The following SOS1 variants were observed in gnomAD, a reference collection of about 807,000 sequenced individuals.
The protein encoded by SOS1 is son of sevenless homolog 1.
Under a neutral mutation model 157.6 loss-of-function variants are expected in SOS1, and 25 were observed. The ratio of observed to expected loss-of-function variants is 0.16; its 90% CI spans 0.12 to 0.22. SOS1 has a LOEUF of 0.22. Among genes scored for constraint, SOS1 ranks in the 10% least tolerant of loss-of-function variants. SOS1 has a pLI of 1.00. For synonymous variants in SOS1, 528 were observed against 534.0 expected (o/e 0.99, Z 0.16); for missense variants, 1,237 against 1,599.1 (o/e 0.77, Z 3.86).
chr2:39,026,050 C>T (rs1669950646), intron 8 of SOS1, among the ~76,000 whole-genome samples: 1 of 152,036 alleles, frequency 6.6e-6, no homozygotes, highest in Non-Finnish European at 1.5e-5. Flanking sequence ...TCAGTCTTAA[C>T]TGTGTTAAGT....
chr2:39,018,374 C>T (rs541674791), intron 10 of SOS1, among the ~76,000 whole-genome samples: 6 of 151,886 alleles, frequency 4.0e-5, no homozygotes, highest in East Asian at 3.9e-4. Context: ...CAAATCCCTA[C>T]GCTAAGGTTT....
At chr2:39,097,417 G>C (rs1333496604) in intron 1 of SOS1, among the ~76,000 whole-genome samples, 1 of 152,154 alleles carries the variant, frequency 6.6e-6, no homozygotes, top group Non-Finnish European at 1.5e-5. Flanking sequence ...GTAAATTCCT[G>C]GATGCCCCAC....
chr2:39,115,407 T>TCTG (rs1491533019), intron 1 of SOS1, among the ~76,000 whole-genome samples: 1 of 65,098 alleles, frequency 1.5e-5, no homozygotes, highest in African/African-American at 8.0e-5. Flanking sequence ...GTTCTCTCTC[T>TCTG]TTTTTTTTTT....
intron 1 of SOS1, among the ~76,000 whole-genome samples, chr2:39,087,471 T>G (rs529726826): frequency 1.3e-5 from 2 of 152,336 alleles, no homozygotes; most frequent in South Asian, 4.1e-4. Context: ...ATATTTACAA[T>G]GGCCTGAATA....
chr2:39,020,601 G>A (rs2123881), intron 10 of SOS1, among the ~76,000 whole-genome samples: 141,059 of 151,682 alleles, frequency 0.93, 65,703 homozygotes, highest in African/African-American at 0.96. Flanking sequence ...GAGCAGACCA[G>A]TAGTTCTTAA....
At chr2:39,102,975 A>G (rs939328461) in intron 1 of SOS1, among the ~76,000 whole-genome samples, 1 of 152,182 alleles carries the variant, frequency 6.6e-6, no homozygotes, top group Non-Finnish European at 1.5e-5. Flanking sequence ...ATAACTTAAA[A>G]AAAAAATTTA....
At position 39,067,726 on chromosome 2, in the gene SOS1, C is replaced by T. The variant is rs375934353; in HGVS notation, c.115G>A (p.Glu39Lys). 1.1e-5 allele frequency: 17 copies of T among 1,612,440 alleles called. No individual in the cohort carries two copies. Among genetic ancestry groups the T allele is most frequent in the African/African-American group, 9.4e-5 (7 of 74,846 alleles). ...TACTGAAGAGCATCATCATTAGACTCGAGAGTAGGATGAACTTGCCCCTGG... is the reference window on the plus strand; with the variant it reads ...TACTGAAGAGCATCATCATTAGACTTGAGAGTAGGATGAACTTGCCCCTGG... ...KVQGQVHPTLESNDDALQYVE... is the reference protein window; with the variant it reads ...KVQGQVHPTLKSNDDALQYVE... Residue 39 changes from glutamate (E) to lysine (K), a missense_variant, in exon 2 of 23, where the codon GAG (glutamate) becomes AAG (lysine). By Grantham distance (56) the Glu-to-Lys change is moderately conservative (BLOSUM62 1). Around this residue, in one of 15 missense-constraint regions of SOS1, gnomAD observed 99 missense variants for 81.6 expected, o/e 1.21. Transcript: ENST00000402219.
At chr2:39,072,094 G>A (rs1387285614) in intron 1 of SOS1, among the ~76,000 whole-genome samples, 1 of 152,022 alleles carries the variant, frequency 6.6e-6, no homozygotes, top group Non-Finnish European at 1.5e-5. Context: ...TTAGGTATTG[G>A]ATATACAGAT....
intron 1 of SOS1, among the ~76,000 whole-genome samples, chr2:39,112,591 C>A (rs1673481192): frequency 6.6e-6 from 1 of 152,134 alleles, no homozygotes; most frequent in Non-Finnish European, 1.5e-5. Context: ...CATGAGCCAC[C>A]GCACCTGGCT....
At chr2:39,049,839 A>G (rs763827027) in intron 6 of SOS1, among the ~76,000 whole-genome samples, 2 of 152,202 alleles carry the variant, frequency 1.3e-5, no homozygotes, top group Non-Finnish European at 2.9e-5. Context: ...ACTTTTTAGA[A>G]AACTTTACTG....
intron 8 of SOS1, among the ~76,000 whole-genome samples, chr2:39,032,066 T>C (rs1330518765): frequency 1.3e-5 from 2 of 152,236 alleles, no homozygotes; most frequent in Non-Finnish European, 2.9e-5. Context: ...GATCTTTTGA[T>C]AGATGTATAT....
In SOS1 at chr2:39,120,660, CGGCATCCCGCACCACCGCCCCGGGGCCA is replaced by C. The variant is rs1673845361; in HGVS notation, c.-266_-239del. ...GAGAACGGACGCGGCCCGGAGGCGGCGGCATCCCGCACCACCGCCCCGGGGCCAGGCCCCCCGCCCCTCCCCGGCCCGC... is the reference window on the plus strand; with the variant it reads ...GAGAACGGACGCGGCCCGGAGGCGGCGGCCCCCCGCCCCTCCCCGGCCCGC... On this transcript the variant is annotated 5_prime_UTR_variant, in exon 1 of 23. An upstream start codon of the reference 5' UTR is lost. Transcript: ENST00000402219. Among the ~76,000 whole-genome samples the C allele has an allele frequency of 6.8e-6, 1 of 147,002 alleles. No homozygotes were observed. The highest frequency in any genetic ancestry group is 2.1e-4 in the South Asian group (1 of 4,808).
Position 39,035,638 on chromosome 2 carries a change from T to C in SOS1, c.865-138A>G, listed in dbSNP as rs544080119. The C allele has an allele frequency of 2.1e-5, 14 of 668,416 alleles. No individual in the cohort carries two copies. In the South Asian group the frequency reaches 2.5e-4, roughly 12 times the overall value. The allele number at this position is 668,416 out of a possible 1,614,324, so 41.4% of individuals were successfully genotyped here. A position where few individuals can be genotyped will look rare whatever the true frequency, so the allele number is the denominator to read the frequency against. On this transcript the variant is annotated intron_variant, in intron 6 of 22. Coordinates refer to ENST00000402219, the MANE Select transcript of SOS1 (RefSeq NM_005633.4). ...AAGCAAAAATTATATGACTACTAAT[T>C]ATAATTTTAATAGAAGAGATCCCAA...
At chr2:39,116,104 C>A (rs961336847) in intron 1 of SOS1, among the ~76,000 whole-genome samples, 7 of 152,250 alleles carry the variant, frequency 4.6e-5, no homozygotes, top group Admixed American at 6.5e-5. Flanking sequence ...TATGGCTTTA[C>A]TTACACATCT....
intron 15 of SOS1, among the ~76,000 whole-genome samples, chr2:39,010,116 G>T (rs1669413022): frequency 1.3e-5 from 2 of 152,064 alleles, no homozygotes; most frequent in African/African-American, 4.8e-5. Flanking sequence ...AGGAGTTCAA[G>T]ACCAGCCTGG....
At position 39,120,810 on chromosome 2, in the gene SOS1, G is replaced by T. The variant is rs372010415; in HGVS notation, c.-388C>A. Among the ~76,000 whole-genome samples the T allele has an allele frequency of 6.6e-6, 1 of 150,518 alleles. No individual in the cohort carries two copies. Among genetic ancestry groups the T allele is most frequent in the Non-Finnish European group, 1.5e-5 (1 of 67,506 alleles). On this transcript the variant is annotated 5_prime_UTR_variant, in exon 1 of 23. Transcript: ENST00000402219. ...TGGCCCCGCGGCGGAGCTGGCGGCT[G>T]GGGGAGGACGTGTGGAGGGACGCTC...
chr2:39,006,551 G>GT (rs1291522305), intron 16 of SOS1, 22 bp from the exon 17 acceptor site: 11 of 1,200,152 alleles, frequency 9.2e-6, no homozygotes, highest in South Asian at 3.6e-5. Context: ...AAAAATAGGC[G>GT]TAAGTTTACA....
chr2:39,024,153 G>A lies in SOS1; in HGVS notation c.1075-16C>T, dbSNP rs112540686. The A allele has an allele frequency of 1.5e-5, 24 of 1,601,534 alleles. 1 individual carries two copies. Among genetic ancestry groups the A allele is most frequent in the African/African-American group, 8.0e-5 (6 of 74,618 alleles). On this transcript the variant is annotated splice_polypyrimidine_tract_variant and intron_variant, in intron 8 of 22. Coordinates refer to ENST00000402219, the MANE Select transcript of SOS1 (RefSeq NM_005633.4). ...CTTCTAACTGCTGTAAAGCCAAAAT[G>A]ACAAATCTGAACCAGTAGTACATTT...
intron 1 of SOS1, among the ~76,000 whole-genome samples, chr2:39,096,822 C>T (rs1412393385): frequency 6.6e-6 from 1 of 151,482 alleles, no homozygotes; most frequent in Non-Finnish European, 1.5e-5. Context: ...GGAGGTGGAG[C>T]TTGCAGTGAG....
Sources: gnomAD v4.1 joint callset for allele counts (sites outside exome capture counted in the v4.1 genomes callset) on GRCh38, gnomAD v4.1.1 for gene constraint, gnomAD v4.1.1 regional missense constraint, MANE v1.5 for transcripts, NCBI Gene and HGNC (gene_info 2026-07-23, HGNC 2026-07-21) for gene names.